SASH1: variants seen among roughly 807,000 people sequenced by gnomAD.
The protein encoded by SASH1 is SAM and SH3 domain-containing protein 1.
In SASH1, 44 loss-of-function variants were observed where a neutral mutation model predicts 125.2. That is an observed-to-expected ratio of 0.35 (90% CI 0.28 to 0.45). The LOEUF is 0.45. Among genes scored for constraint, SASH1 ranks in the 20% least tolerant of loss-of-function variants. The probability of loss-of-function intolerance (pLI) is 1.00; values close to 1 mark genes in which losing one functional copy is unlikely to be tolerated. For synonymous variants in SASH1, 639 were observed against 649.1 expected, an observed-to-expected ratio of 0.98 and a Z score of 0.24; for missense variants, 1,426 against 1,614.5, an observed-to-expected ratio of 0.88 and a Z score of 2.00.
intron 1 of SASH1, among the ~76,000 whole-genome samples, chr6:148,372,547 T>C (rs1021397840): frequency 6.6e-6 from 1 of 152,168 alleles, no homozygotes; most frequent in African/African-American, 2.4e-5. Flanking sequence ...CTAGTTACTT[T>C]TAAGGTCTGA....
chr6:148,471,386 CTTTTTTTTTTTTTTTTTT>C lies in SASH1; in HGVS notation c.428-21_428-4del, dbSNP rs35487674. 43 of 503,566 alleles carry C rather than the reference CTTTTTTTTTTTTTTTTTT, an allele frequency of 8.5e-5. No homozygotes were observed. Among genetic ancestry groups the C allele is most frequent in the Non-Finnish European group, 1.2e-4 (40 of 340,664 alleles). 31.2% of individuals were successfully genotyped at this position (503,566 alleles called of 1,614,324 possible). A position where few individuals can be genotyped will look rare whatever the true frequency, so the allele number is the denominator to read the frequency against. ...GAATTTATTGCTTGTGCTTTTTGTTCTTTTTTTTTTTTTTTTTTTTTTTTTTTAAGGAAAAGGAGACTG... is the reference window on the plus strand; with the variant it reads ...GAATTTATTGCTTGTGCTTTTTGTTCTTTTTTTTTAAGGAAAAGGAGACTG... On this transcript the variant is annotated splice_polypyrimidine_tract_variant and intron_variant, in intron 5 of 19. Transcript: ENST00000367467.
chr6:148,517,389 C>T (rs1483871890), intron 9 of SASH1, among the ~76,000 whole-genome samples: 1 of 152,156 alleles, frequency 6.6e-6, no homozygotes, highest in African/African-American at 2.4e-5. Flanking sequence ...CCGGTCTCAG[C>T]TGAATAAGAT....
chr6:148,243,494 T>G, the SASH1 span, among the ~76,000 whole-genome samples: 1 of 134,940 alleles, frequency 7.4e-6, no homozygotes, highest in South Asian at 2.3e-4. Context: ...AAAACAAAAA[T>G]TAGCCAGGTG....
chr6:148,335,491 C>CA (rs1397080979), intron 1 of SASH1, among the ~76,000 whole-genome samples: 1 of 141,762 alleles, frequency 7.1e-6, no homozygotes, highest in Non-Finnish European at 1.5e-5. Flanking sequence ...AAAAAGAATT[C>CA]AAATCAGCAG....
intron 1 of SASH1, among the ~76,000 whole-genome samples, chr6:148,360,603 G>C (rs1393744218): frequency 2.0e-5 from 3 of 147,274 alleles, no homozygotes; most frequent in Non-Finnish European, 4.5e-5. Context: ...CTGCCACCTT[G>C]GCCCCCCAGT....
At position 148,551,113 on chromosome 6, in the gene SASH1, GTTGT is replaced by G. The variant is rs556294092; in HGVS notation, c.*2558_*2561del. On this transcript the variant is annotated 3_prime_UTR_variant, in exon 20 of 20. Transcript: ENST00000367467. ...TCTGAGGTTGTTTTTACTTTATTGT[GTTGT>G]TTAAATATTTTAAAAATATCTTTAG... 651 of 152,418 alleles carry G rather than the reference GTTGT, an allele frequency of 4.3e-3. 5 individuals are homozygous for G. The highest frequency in any genetic ancestry group is 0.015 in the African/African-American group (627 of 41,420). The allele number at this position is 152,418 out of a possible 1,614,324, so 9.4% of individuals were successfully genotyped here.
chr6:148,337,252 C>G (rs1196734338), intron 1 of SASH1, among the ~76,000 whole-genome samples: 1 of 138,220 alleles, frequency 7.2e-6, no homozygotes, highest in Non-Finnish European at 1.5e-5. Flanking sequence ...GAGATGGAGT[C>G]TCGTTCTGTC....
chr6:148,213,691 A>T, the SASH1 span, among the ~76,000 whole-genome samples: 1 of 152,070 alleles, frequency 6.6e-6, no homozygotes, highest in Non-Finnish European at 1.5e-5. Context: ...CAGGCACTAG[A>T]TTAGAGGTCG....
intron 2 of SASH1, among the ~76,000 whole-genome samples, chr6:148,399,456 C>G (rs561151223): frequency 2.6e-5 from 4 of 152,086 alleles, no homozygotes; most frequent in African/African-American, 9.6e-5. Flanking sequence ...GAATTCCTGA[C>G]CTCAGGTGAG....
In SASH1 at chr6:148,544,851, G is replaced by C. The variant is rs2115459388; in HGVS notation, c.3348+33G>C. ...AGGTCCTGGGCCCACCACGTTCACA[G>C]GCCTTTGTTTGTAGAAGTCAGGCAG... On this transcript the variant is annotated intron_variant, in intron 18 of 19. Coordinates refer to ENST00000367467, the MANE Select transcript of SASH1 (RefSeq NM_015278.5). This position sits in a 1 kb window ranked among gnomAD's most constrained non-coding sequence, Gnocchi z 6.4. The C allele has an allele frequency of 2.0e-6, 3 of 1,518,116 alleles. No individual in the cohort carries two copies. The East Asian group carries it at 7.1e-5, about 36-fold the overall frequency. The allele number at this position is 1,518,116 out of a possible 1,614,324, so 94.0% of individuals were successfully genotyped here. A position where few individuals can be genotyped will look rare whatever the true frequency, so the allele number is the denominator to read the frequency against.
chr6:148,507,386 T>TTGTTG (rs1195390327), intron 8 of SASH1, among the ~76,000 whole-genome samples: 4 of 152,060 alleles, frequency 2.6e-5, no homozygotes, highest in Non-Finnish European at 5.9e-5. Flanking sequence ...GTTGTTGTTG[T>TTGTTG]TTGAGATGGA....
At chr6:148,458,848 T>A (rs1777476306) in intron 4 of SASH1, among the ~76,000 whole-genome samples, 1 of 150,812 alleles carries the variant, frequency 6.6e-6, no homozygotes, top group Non-Finnish European at 1.5e-5. Flanking sequence ...GCGACTCGAG[T>A]CCCAGCTACG....
At chr6:148,461,856 C>A (rs1777626120) in intron 4 of SASH1, among the ~76,000 whole-genome samples, 1 of 152,180 alleles carries the variant, frequency 6.6e-6, no homozygotes, top group Non-Finnish European at 1.5e-5. Flanking sequence ...ACTTCTTTAA[C>A]ATGTAATGAT....
chr6:148,369,377 A>C (rs373202378), intron 1 of SASH1, among the ~76,000 whole-genome samples: 3 of 152,338 alleles, frequency 2.0e-5, no homozygotes, highest in East Asian at 1.9e-4. Flanking sequence ...ATGATGCAGG[A>C]AAGTTTTTTG....
chr6:148,482,080 G>A (rs1778649796), intron 7 of SASH1, among the ~76,000 whole-genome samples: 1 of 152,196 alleles, frequency 6.6e-6, no homozygotes, highest in South Asian at 2.1e-4. Flanking sequence ...ATACTTGGAA[G>A]CTATAGGTTA....
the SASH1 span, among the ~76,000 whole-genome samples, chr6:148,245,806 T>C: frequency 6.6e-6 from 1 of 151,576 alleles, no homozygotes; most frequent in Non-Finnish European, 1.5e-5. Context: ...GCTAACACAG[T>C]GAAACCCCGT....
At chr6:148,514,063 G>GC in intron 8 of SASH1, 1 of 1,189,288 alleles carries the variant, frequency 8.4e-7, no homozygotes, top group Non-Finnish European at 1.0e-6. Context: ...TGAGACAGAT[G>GC]CCCCCACAGG....
At chr6:148,383,999 C>T (rs1783260697) in intron 1 of SASH1, among the ~76,000 whole-genome samples, 1 of 152,048 alleles carries the variant, frequency 6.6e-6, no homozygotes, top group Non-Finnish European at 1.5e-5. Flanking sequence ...GTTTGTTGTC[C>T]GTTGAGCTGA....
intron 1 of SASH1, among the ~76,000 whole-genome samples, chr6:148,345,299 G>T (rs1350844737): frequency 6.6e-6 from 1 of 152,172 alleles, no homozygotes; most frequent in Non-Finnish European, 1.5e-5. Flanking sequence ...GCACTGTTGG[G>T]TCAGTTGTAG....
Sources: allele counts gnomAD v4.1 joint callset (sites outside exome capture counted in the v4.1 genomes callset), GRCh38; gene constraint gnomAD v4.1.1; non-coding constraint Gnocchi (gnomAD v3.1); transcripts MANE v1.5; gene names NCBI Gene and HGNC (gene_info 2026-07-23, HGNC 2026-07-21).